Variants in GLIS3 observed in about 807,000 individuals in gnomAD.
GLIS3 encodes the protein zinc finger protein GLIS3.
Under a neutral mutation model 78.6 loss-of-function variants are expected in GLIS3, and 53 were observed. That is an observed-to-expected ratio of 0.67 (90% CI 0.54 to 0.85). The LOEUF (loss-of-function observed/expected upper bound fraction) is 0.85, where lower values mean the gene tolerates loss of function less well. Among genes scored for constraint, GLIS3 ranks in the 40% least tolerant of loss-of-function variants. GLIS3 has a pLI of 0.00. For synonymous variants in GLIS3, 684 were observed against 509.9 expected, an observed-to-expected ratio of 1.34 and a Z score of -4.60; for missense variants, 1,703 against 1,231.1, an observed-to-expected ratio of 1.38 and a Z score of -5.74.
At chr9:4,026,129 C>T (rs12342127) in intron 4 of GLIS3, among the ~76,000 whole-genome samples, 15 of 152,154 alleles carry the variant, frequency 9.9e-5, no homozygotes, top group African/African-American at 3.6e-4. Context: ...CAAAGGCTTT[C>T]TTCCAACATC....
intron 4 of GLIS3, chr9:4,034,498 A>C (rs1487438413): frequency 1.3e-5 from 2 of 152,128 alleles, no homozygotes; most frequent in Non-Finnish European, 2.9e-5. Flanking sequence ...AACACCTGAT[A>C]ATTAGGAATG....
At chr9:4,462,937 G>A in the GLIS3 span, among the ~76,000 whole-genome samples, 3 of 152,160 alleles carry the variant, frequency 2.0e-5, no homozygotes, top group Non-Finnish European at 4.4e-5. Context: ...CCCAATATAG[G>A]ACCTAAAGGA....
At chr9:4,370,871 G>T in the GLIS3 span, among the ~76,000 whole-genome samples, 2 of 151,988 alleles carry the variant, frequency 1.3e-5, no homozygotes, top group African/African-American at 4.8e-5. Flanking sequence ...TGAATATATA[G>T]GAACCACAAA....
At chr9:4,137,482 C>A (rs906475588) in intron 2 of GLIS3, among the ~76,000 whole-genome samples, 1 of 152,064 alleles carries the variant, frequency 6.6e-6, no homozygotes, top group Admixed American at 6.5e-5. Context: ...ACATTTATAC[C>A]CAAGAGATTA....
At chr9:4,106,140 G>C (rs1049711291) in intron 4 of GLIS3, among the ~76,000 whole-genome samples, 4 of 152,144 alleles carry the variant, frequency 2.6e-5, no homozygotes, top group Non-Finnish European at 5.9e-5. Context: ...GTTTCGACAA[G>C]CACTGCTGAA....
chr9:4,271,834 G>A (rs1248544722), intron 2 of GLIS3, among the ~76,000 whole-genome samples: 1 of 152,170 alleles, frequency 6.6e-6, no homozygotes, highest in Non-Finnish European at 1.5e-5. Context: ...ATAGTAAGAT[G>A]TTTAAGATAC....
At chr9:4,441,851 C>T in the GLIS3 span, among the ~76,000 whole-genome samples, 3 of 152,180 alleles carry the variant, frequency 2.0e-5, no homozygotes, top group Non-Finnish European at 4.4e-5. Context: ...GTGATCTGCC[C>T]ACCTCGGCCT....
intron 4 of GLIS3, among the ~76,000 whole-genome samples, chr9:3,979,921 C>A (rs1819115233): frequency 6.6e-6 from 1 of 152,162 alleles, no homozygotes; most frequent in Non-Finnish European, 1.5e-5. Context: ...AGCAGACCGA[C>A]AGCAGAATGG....
intron 4 of GLIS3, among the ~76,000 whole-genome samples, chr9:4,048,734 C>A (rs1340253): frequency 6.6e-6 from 1 of 152,056 alleles, no homozygotes; most frequent in African/African-American, 2.4e-5. Flanking sequence ...GTAATTTCAC[C>A]CCTCTCAAGG....
At chr9:3,920,305 T>C (rs888716865) in intron 6 of GLIS3, among the ~76,000 whole-genome samples, 3 of 152,176 alleles carry the variant, frequency 2.0e-5, no homozygotes, top group Non-Finnish European at 4.4e-5. Context: ...GCCCGGCCAT[T>C]ACTGACTGTT....
chr9:4,173,463 G>T (rs1313925684), intron 2 of GLIS3, among the ~76,000 whole-genome samples: 1 of 151,696 alleles, frequency 6.6e-6, no homozygotes, highest in African/African-American at 2.4e-5. Flanking sequence ...AACAATGTGG[G>T]GCATAAGTAA....
At chr9:4,133,569 T>C (rs867856025) in intron 2 of GLIS3, among the ~76,000 whole-genome samples, 1 of 152,202 alleles carries the variant, frequency 6.6e-6, no homozygotes, top group African/African-American at 2.4e-5. Context: ...TGTGTGACCT[T>C]GGACAAGTTA....
At chr9:4,325,618 C>A (rs1356677725) in intron 2 of GLIS3, among the ~76,000 whole-genome samples, 3 of 152,208 alleles carry the variant, frequency 2.0e-5, no homozygotes, top group Non-Finnish European at 2.9e-5. Context: ...TTTTAACCTT[C>A]ATTAGCACTG....
At chr9:4,342,977 G>C (rs1428789437) in intron 2 of GLIS3, among the ~76,000 whole-genome samples, 2 of 152,114 alleles carry the variant, frequency 1.3e-5, no homozygotes, top group Non-Finnish European at 2.9e-5. Flanking sequence ...TTGTTTATCA[G>C]ATCTAGGAGC....
upstream of GLIS3, among the ~76,000 whole-genome samples, chr9:4,351,467 G>A (rs370341943): frequency 6.6e-6 from 1 of 150,530 alleles, no homozygotes; most frequent in Non-Finnish European, 1.5e-5. Flanking sequence ...TAGTGCTTGA[G>A]TTCATTACAA....
At chr9:4,463,868 G>T in the GLIS3 span, among the ~76,000 whole-genome samples, 1 of 152,160 alleles carries the variant, frequency 6.6e-6, no homozygotes, top group African/African-American at 2.4e-5. Flanking sequence ...TTGATAGAAA[G>T]CAGTCATTTG....
chr9:4,299,880 G>A lies in GLIS3; in HGVS notation c.-558C>T, dbSNP rs1235455528. On this transcript the variant is annotated 5_prime_UTR_variant, in exon 1 of 11. Coordinates refer to ENST00000381971, the MANE Select transcript of GLIS3 (RefSeq NM_001042413.2). ...TGCCGGCGGGTTCCGTCGCCGGTGT[G>A]ACCCTGGACGGCGCGGACGGCGTAC... The A allele has an allele frequency of 3.3e-5, 5 of 152,334 alleles. No homozygotes were observed. Among genetic ancestry groups the A allele is most frequent in the Admixed American group, 2.0e-4 (3 of 15,298 alleles). 9.4% of individuals were successfully genotyped at this position (152,334 alleles called of 1,614,324 possible).
chr9:4,069,208 T>C (rs1466036087), intron 4 of GLIS3, among the ~76,000 whole-genome samples: 2 of 152,152 alleles, frequency 1.3e-5, no homozygotes, highest in Non-Finnish European at 2.9e-5. Flanking sequence ...TAAAACTTTA[T>C]GGTTGGGGGA....
intron 2 of GLIS3, among the ~76,000 whole-genome samples, chr9:4,188,988 C>G (rs1818070815): frequency 6.6e-6 from 1 of 152,190 alleles, no homozygotes. Context: ...TTTTGTATCT[C>G]TATTTCCTTC....
Sources: gnomAD v4.1 joint callset for allele counts (sites outside exome capture counted in the v4.1 genomes callset) on GRCh38, gnomAD v4.1.1 for gene constraint, MANE v1.5 for transcripts, NCBI Gene and HGNC (gene_info 2026-07-23, HGNC 2026-07-21) for gene names.